The following ARMC3 variants were observed in gnomAD, a reference collection of about 807,000 sequenced individuals.
ARMC3 encodes armadillo repeat-containing protein 3.
In ARMC3, 74 loss-of-function variants were observed where a neutral mutation model predicts 90.3. The observed-to-expected ratio is 0.82, with a 90% CI of 0.68 to 0.99. The LOEUF (loss-of-function observed/expected upper bound fraction) is 0.99, where lower values mean the gene tolerates loss of function less well. ARMC3 is among the 50% of genes least tolerant of loss of function. The pLI is 0.00. For missense variants in ARMC3, 958 were observed against 1,042.8 expected, an observed-to-expected ratio of 0.92 and a Z score of 1.12; for synonymous variants, 334 against 361.8, an observed-to-expected ratio of 0.92 and a Z score of 0.87.
chr10:23,001,899 A>C lies in ARMC3; in HGVS notation c.1426-20A>C. On this transcript the variant is annotated intron_variant, in intron 11 of 18. Transcript: ENST00000298032. ...ACATTCTACACTCTTAATGTGTAACATTTTGGTTTCTGCTTTTAGTTAAGA... is the reference window on the plus strand; with the variant it reads ...ACATTCTACACTCTTAATGTGTAACCTTTTGGTTTCTGCTTTTAGTTAAGA... 1 of 1,611,530 alleles carries C rather than the reference A, an allele frequency of 6.2e-7. No individual in the cohort carries two copies. Among genetic ancestry groups the C allele is most frequent in the Non-Finnish European group, 8.5e-7 (1 of 1,178,742 alleles).
chr10:23,026,209 C>G (rs977403036), intron 16 of ARMC3, among the ~76,000 whole-genome samples: 1 of 152,012 alleles, frequency 6.6e-6, no homozygotes, highest in Non-Finnish European at 1.5e-5. Flanking sequence ...ATAGAGGATA[C>G]TTCTCAACTC....
chr10:23,003,452 A>G, intron 13 of ARMC3, 38 bp downstream of exon 13: 5 of 1,465,558 alleles, frequency 3.4e-6, no homozygotes, highest in Non-Finnish European at 4.5e-6. Flanking sequence ...AGTATGTACA[A>G]TAATAATTTT....
chr10:22,980,583 C>T (rs897188642), intron 8 of ARMC3, among the ~76,000 whole-genome samples: 23 of 151,766 alleles, frequency 1.5e-4, no homozygotes, highest in Admixed American at 4.6e-4. Context: ...GCAGTATTTA[C>T]GTTAGTATAG....
rs143111739 is a variant in ARMC3 at position 23,019,048 on chromosome 10, C to T, written c.2045+10117C>T. Among the ~76,000 whole-genome samples the T allele has an allele frequency of 2.6e-3, 399 of 152,348 alleles. 9 individuals are homozygous for T. Among genetic ancestry groups the T allele is most frequent in the Non-Finnish European group, 1.3e-3 (87 of 68,032 alleles). The stretch of plus-strand genomic sequence containing the variant: ...TCACTGCTGGTTCTCCCAATGTGGG[C>T]TCTCAGCTAGCAGTGGAAAGTAGAG... On this transcript the variant is annotated intron_variant, in intron 16 of 18. Transcript: ENST00000298032.
intron 18 of ARMC3, among the ~76,000 whole-genome samples, chr10:23,036,844 C>T (rs1839142224): frequency 6.6e-6 from 1 of 152,214 alleles, no homozygotes; most frequent in African/African-American, 2.4e-5. Context: ...TGCCCCATGG[C>T]ACGCAGAATA....
chr10:22,961,050 A>G (rs899150638), intron 6 of ARMC3: 1 of 152,370 alleles, frequency 6.6e-6, no homozygotes, highest in South Asian at 2.1e-4. Context: ...ATTATGAGGT[A>G]CTGGGGTTAG....
intron 10 of ARMC3, among the ~76,000 whole-genome samples, chr10:22,983,776 C>T (rs1012018045): frequency 6.6e-6 from 1 of 152,160 alleles, no homozygotes; most frequent in Non-Finnish European, 1.5e-5. Flanking sequence ...CACGAATAAA[C>T]CACATAGTCC....
chr10:22,928,707 T>G (rs1833808627), intron 1 of ARMC3, among the ~76,000 whole-genome samples: 1 of 152,230 alleles, frequency 6.6e-6, no homozygotes, highest in African/African-American at 2.4e-5. Flanking sequence ...TCCAGAAAAT[T>G]AGAAACAAAT....
At chr10:23,018,079 AC>A (rs1167139378) in intron 16 of ARMC3, among the ~76,000 whole-genome samples, 1 of 152,228 alleles carries the variant, frequency 6.6e-6, no homozygotes, top group Non-Finnish European at 1.5e-5. Context: ...TTTGCATATC[AC>A]TGGTTAATTG....
chr10:22,946,516 T>G (rs932226388), intron 3 of ARMC3: 10 of 269,556 alleles, frequency 3.7e-5, no homozygotes, highest in Non-Finnish European at 7.0e-5. Context: ...AAATTGTAAA[T>G]GTCACAGAAG....
intron 10 of ARMC3, among the ~76,000 whole-genome samples, chr10:22,992,388 T>C (rs1445372621): frequency 6.6e-6 from 1 of 152,166 alleles, no homozygotes; most frequent in African/African-American, 2.4e-5. Context: ...CAATATGATG[T>C]AATCAATTCG....
At chr10:23,003,489 C>T in intron 13 of ARMC3, 75 bp downstream of exon 13, 2 of 1,151,730 alleles carry the variant, frequency 1.7e-6, no homozygotes, top group Non-Finnish European at 2.4e-6. Flanking sequence ...CATTACATTG[C>T]CATTTCATCA....
chr10:22,962,844 G>A (rs1210770716), intron 7 of ARMC3, among the ~76,000 whole-genome samples: 1 of 152,112 alleles, frequency 6.6e-6, no homozygotes, highest in Non-Finnish European at 1.5e-5. Flanking sequence ...GGAAAATGAA[G>A]TACAATATAA....
chr10:22,952,171 G>C (rs1834761795), intron 3 of ARMC3, among the ~76,000 whole-genome samples: 1 of 151,880 alleles, frequency 6.6e-6, no homozygotes, highest in Admixed American at 6.6e-5. Context: ...CCAAAAGTTA[G>C]TAATAATAAG....
chr10:22,985,956 A>T (rs1588881071), intron 10 of ARMC3, among the ~76,000 whole-genome samples: 1 of 151,996 alleles, frequency 6.6e-6, no homozygotes, highest in East Asian at 1.9e-4. Context: ...GCATTACCAC[A>T]CGGCTTAAGA....
intron 14 of ARMC3, among the ~76,000 whole-genome samples, chr10:23,007,715 AAAGAG>A (rs559158059): frequency 0.33 from 31,542 of 96,250 alleles, 4,472 homozygotes; most frequent in Non-Finnish European, 0.42. Context: ...AAAAAAAAAA[AAAGAG>A]AGAGAGCGAG....
At chr10:22,976,266 A>G (rs976461645) in intron 8 of ARMC3, among the ~76,000 whole-genome samples, 3 of 152,104 alleles carry the variant, frequency 2.0e-5, no homozygotes, top group African/African-American at 7.2e-5. Context: ...CCTCTTTGAC[A>G]GATCAGTCCA....
At chr10:23,015,971 T>C (rs1472117714) in intron 16 of ARMC3, among the ~76,000 whole-genome samples, 1 of 152,076 alleles carries the variant, frequency 6.6e-6, no homozygotes, top group Non-Finnish European at 1.5e-5. Flanking sequence ...TACATCCTAG[T>C]GAGAAGACAG....
intron 17 of ARMC3, 106 bp downstream of exon 17, chr10:23,030,902 T>C (rs1838903380): frequency 8.0e-7 from 1 of 1,249,682 alleles, no homozygotes; most frequent in African/African-American, 1.5e-5. Flanking sequence ...AAATTGAAGT[T>C]TACAGCACTC....
Sources: allele counts gnomAD v4.1 joint callset (sites outside exome capture counted in the v4.1 genomes callset), GRCh38; gene constraint gnomAD v4.1.1; transcripts MANE v1.5; gene names NCBI Gene and HGNC (gene_info 2026-07-23, HGNC 2026-07-21).